The following MAF variants were observed in gnomAD, a reference collection of about 807,000 sequenced individuals.
MAF encodes MAF bZIP transcription factor.
Under a neutral mutation model 22.0 loss-of-function variants are expected in MAF, and 10 were observed. The observed-to-expected ratio is 0.45, with a 90% CI of 0.28 to 0.77. The LOEUF (loss-of-function observed/expected upper bound fraction) is 0.77, where lower values mean the gene tolerates loss of function less well. MAF is among the 30% of genes least tolerant of loss of function. The probability of loss-of-function intolerance (pLI) is 0.12; values close to 1 mark genes in which losing one functional copy is unlikely to be tolerated. For synonymous variants in MAF, 337 were observed against 255.8 expected (o/e 1.32, Z -3.03); for missense variants, 544 against 548.4 (o/e 0.99, Z 0.08).
At chr16:79,415,650 T>G in the MAF span, among the ~76,000 whole-genome samples, 6,857 of 151,946 alleles carry the variant, frequency 0.045, 488 homozygotes, top group African/African-American at 0.16. Context: ...TCGGGGCCAC[T>G]GACAGCTCTG....
the MAF span, among the ~76,000 whole-genome samples, chr16:79,558,413 A>G: frequency 6.6e-6 from 1 of 152,216 alleles, no homozygotes; most frequent in Non-Finnish European, 1.5e-5. Flanking sequence ...TGCTTTGGCT[A>G]ATTACATTAA....
chr16:79,535,382 C>G, the MAF span, among the ~76,000 whole-genome samples: 1 of 150,960 alleles, frequency 6.6e-6, no homozygotes, highest in East Asian at 2.0e-4. Context: ...GTGCTTCCAC[C>G]CAGAAATCAC....
chr16:79,422,805 T>C, the MAF span, among the ~76,000 whole-genome samples: 2 of 152,142 alleles, frequency 1.3e-5, no homozygotes, highest in Non-Finnish European at 1.5e-5. Context: ...CTATTAAAAA[T>C]AATGCAATTA....
chr16:79,251,700 C>T, the MAF span, among the ~76,000 whole-genome samples: 4 of 152,310 alleles, frequency 2.6e-5, no homozygotes, highest in Middle Eastern at 3.4e-3. Context: ...GGCTCAAAGC[C>T]GTCCCTCAGT....
chr16:79,452,303 C>T, the MAF span, among the ~76,000 whole-genome samples: 5 of 152,188 alleles, frequency 3.3e-5, no homozygotes, highest in Admixed American at 2.6e-4. Context: ...GTATCTTCTT[C>T]ATCCATTGCT....
chr16:79,486,116 G>A, the MAF span, among the ~76,000 whole-genome samples: 3 of 152,020 alleles, frequency 2.0e-5, no homozygotes, highest in Admixed American at 6.6e-5. Flanking sequence ...AATAACTATC[G>A]CTTCCATGCT....
intron 1 of MAF, chr16:79,596,902 T>C (rs182332185): frequency 1.2e-5 from 13 of 1,050,116 alleles, no homozygotes; most frequent in Non-Finnish European, 1.4e-5. Flanking sequence ...TTTTGTATTA[T>C]ATGCTTGCAG....
the MAF span, among the ~76,000 whole-genome samples, chr16:79,293,160 T>C: frequency 2.0e-5 from 3 of 152,322 alleles, no homozygotes; most frequent in East Asian, 5.8e-4. Context: ...TGAGTTTTCT[T>C]GCGTGAGGTC....
At chr16:79,210,866 G>T in the MAF span, among the ~76,000 whole-genome samples, 1 of 152,164 alleles carries the variant, frequency 6.6e-6, no homozygotes, top group South Asian at 2.1e-4. Context: ...GTGATCAGCT[G>T]CACTCTTTGC....
the MAF span, among the ~76,000 whole-genome samples, chr16:79,549,679 C>G: frequency 5.9e-5 from 9 of 152,288 alleles, no homozygotes; most frequent in African/African-American, 2.2e-4. Flanking sequence ...TGTCCGAAGC[C>G]TGACACCAAT....
At chr16:79,595,052 A>G in intron 1 of MAF, 2 of 1,049,730 alleles carry the variant, frequency 1.9e-6, no homozygotes, top group Non-Finnish European at 2.3e-6. Context: ...CTTTCATCAG[A>G]TGCTTTTTTG....
At chr16:79,449,670 C>G in the MAF span, among the ~76,000 whole-genome samples, 2 of 152,314 alleles carry the variant, frequency 1.3e-5, no homozygotes, top group African/African-American at 4.8e-5. Flanking sequence ...TCCCACCAAC[C>G]TATTTAGTGA....
the MAF span, among the ~76,000 whole-genome samples, chr16:79,350,426 A>T: frequency 6.6e-6 from 1 of 152,316 alleles, no homozygotes; most frequent in South Asian, 2.1e-4. Flanking sequence ...TAGCAGATAA[A>T]TGACACCATT....
chr16:79,510,302 A>G, the MAF span, among the ~76,000 whole-genome samples: 1 of 152,188 alleles, frequency 6.6e-6, no homozygotes. Context: ...CATTTGGAAA[A>G]TGAGGACACT....
At chr16:79,554,130 A>AAAC in the MAF span, among the ~76,000 whole-genome samples, 4,448 of 79,788 alleles carry the variant, frequency 0.056, 77 homozygotes, top group Middle Eastern at 0.11. Context: ...AACAAACAAA[A>AAAC]CCACCAAACC....
chr16:79,276,200 C>A, the MAF span, among the ~76,000 whole-genome samples: 1 of 152,070 alleles, frequency 6.6e-6, no homozygotes. Flanking sequence ...ACAGACTCCA[C>A]CCTGGAGTTT....
chr16:79,567,690 G>C, the MAF span, among the ~76,000 whole-genome samples: 2 of 152,168 alleles, frequency 1.3e-5, 1 homozygote, highest in East Asian at 3.9e-4. Context: ...TCTCCTCCCT[G>C]CCTACCATCG....
At chr16:79,577,880 T>C in the MAF span, among the ~76,000 whole-genome samples, 1 of 152,174 alleles carries the variant, frequency 6.6e-6, no homozygotes, top group Admixed American at 6.5e-5. Flanking sequence ...CATCGACCCC[T>C]TTTTCTACAT....
In MAF at chr16:79,599,471, G is replaced by C; in HGVS notation, c.432C>G (p.Ala144=). Residue 144 remains alanine (A), a synonymous_variant, in exon 1 of 2, where the codon GCC becomes GCG. Coordinates refer to ENST00000326043, the MANE Select transcript of MAF (RefSeq NM_005360.5). ...TGCCGCCCAAGGAGGCGCCGGCACC[G>C]GCCCCGGCCGCCGCGGCCAGCTGCT... ...GAQQLAAAAG[A]GAGASLGGSG... The C allele has an allele frequency of 4.4e-6, 6 of 1,375,148 alleles. No individual in the cohort carries two copies. Among genetic ancestry groups the C allele is most frequent in the South Asian group, 3.6e-5 (2 of 55,768 alleles). The allele number at this position is 1,375,148 out of a possible 1,614,324, so 85.2% of individuals were successfully genotyped here.
Sources: allele counts gnomAD v4.1 joint callset (sites outside exome capture counted in the v4.1 genomes callset), GRCh38; gene constraint gnomAD v4.1.1; transcripts MANE v1.5; gene names NCBI Gene and HGNC (gene_info 2026-07-23, HGNC 2026-07-21).